The following PARD3 variants were observed in gnomAD, a reference collection of about 807,000 sequenced individuals.
PARD3 encodes the protein par-3 family cell polarity regulator, also known as partitioning defective 3 homolog.
In PARD3, 75 loss-of-function variants were observed where a neutral mutation model predicts 155.4. That is an observed-to-expected ratio of 0.48 (90% confidence interval 0.40 to 0.58). The LOEUF (loss-of-function observed/expected upper bound fraction) is 0.58, where lower values mean the gene tolerates loss of function less well. PARD3 is among the 20% of genes least tolerant of loss of function. The pLI is 0.00. For missense variants in PARD3, 1,642 were observed against 1,721.7 expected, an observed-to-expected ratio of 0.95 and a Z score of 0.82; for synonymous variants, 576 against 610.5, an observed-to-expected ratio of 0.94 and a Z score of 0.83.
intron 3 of PARD3, among the ~76,000 whole-genome samples, chr10:34,508,315 TAAATC>T (rs1187584439): frequency 6.6e-6 from 1 of 152,070 alleles, no homozygotes; most frequent in East Asian, 1.9e-4. Flanking sequence ...AGAAATGAAA[TAAATC>T]AGATACTTTG....
chr10:34,272,222 G>A (rs533047849), intron 21 of PARD3, among the ~76,000 whole-genome samples: 46 of 151,964 alleles, frequency 3.0e-4, no homozygotes, highest in Non-Finnish European at 6.0e-4. Context: ...AAAATGTAAG[G>A]GATTCTTTAG....
At chr10:34,712,557 A>C (rs2094462869) in intron 1 of PARD3, among the ~76,000 whole-genome samples, 1 of 152,232 alleles carries the variant, frequency 6.6e-6, no homozygotes, top group South Asian at 2.1e-4. Context: ...CCTGAGATCA[A>C]CACCACATAA....
intron 1 of PARD3, among the ~76,000 whole-genome samples, chr10:34,729,642 C>T (rs1193099034): frequency 6.6e-6 from 1 of 151,960 alleles, no homozygotes. Flanking sequence ...AATAGTAGAA[C>T]TTGATTTAAT....
intron 3 of PARD3, among the ~76,000 whole-genome samples, chr10:34,480,117 G>GGGCT: frequency 6.6e-6 from 1 of 152,246 alleles, no homozygotes; most frequent in Middle Eastern, 3.2e-3. Context: ...TCAGTGTGAG[G>GGGCT]GGCTGGCCTC....
intron 2 of PARD3, among the ~76,000 whole-genome samples, chr10:34,674,925 C>T (rs2093676679): frequency 6.6e-6 from 1 of 152,140 alleles, no homozygotes; most frequent in African/African-American, 2.4e-5. Context: ...AACTATAAAA[C>T]AACACACCTT....
chr10:34,587,120 TATTGTGTTTTTTTGTTTGC>T (rs1196202834), intron 2 of PARD3, among the ~76,000 whole-genome samples: 1 of 152,092 alleles, frequency 6.6e-6, no homozygotes, highest in Non-Finnish European at 1.5e-5. Context: ...TTATTTTTTT[TATTGTGTTTTTTTGTTTGC>T]TTGAGACAGA....
intron 19 of PARD3, among the ~76,000 whole-genome samples, 199 bp from the exon 20 acceptor site, chr10:34,317,537 C>A (rs901485763): frequency 6.6e-6 from 1 of 152,092 alleles, no homozygotes; most frequent in Non-Finnish European, 1.5e-5. Flanking sequence ...ACGTGAAGAT[C>A]GTGTGCCAAG....
intron 2 of PARD3, among the ~76,000 whole-genome samples, chr10:34,569,489 C>T (rs1475305511): frequency 6.6e-6 from 1 of 152,132 alleles, no homozygotes; most frequent in African/African-American, 2.4e-5. Context: ...ATGATCTCGG[C>T]TCACTGCAAG....
chr10:34,404,577 G>C (rs551454273), intron 5 of PARD3, among the ~76,000 whole-genome samples: 1 of 151,530 alleles, frequency 6.6e-6, no homozygotes, highest in South Asian at 2.1e-4. Flanking sequence ...AGAACTTTCA[G>C]ATATGAGACA....
intron 14 of PARD3, among the ~76,000 whole-genome samples, chr10:34,356,484 C>T (rs1208867063): frequency 1.3e-5 from 2 of 152,132 alleles, no homozygotes; most frequent in Non-Finnish European, 2.9e-5. Context: ...CTTACCTTCC[C>T]TAACTAGAAA....
At chr10:34,705,931 A>G (rs1414047881) in intron 1 of PARD3, among the ~76,000 whole-genome samples, 1 of 152,128 alleles carries the variant, frequency 6.6e-6, no homozygotes, top group East Asian at 1.9e-4. Flanking sequence ...CTAGCACATA[A>G]TCTCTCACAG....
intron 2 of PARD3, among the ~76,000 whole-genome samples, chr10:34,523,727 A>G (rs898850180): frequency 6.6e-6 from 1 of 152,262 alleles, no homozygotes; most frequent in African/African-American, 2.4e-5. Flanking sequence ...ACTAGAGCAT[A>G]ATGAAATAAA....
intron 2 of PARD3, among the ~76,000 whole-genome samples, chr10:34,577,518 T>C (rs1415778476): frequency 6.6e-6 from 1 of 152,224 alleles, no homozygotes. Context: ...GACACTCAGC[T>C]GAAGGCAACA....
chr10:34,738,378 T>C (rs2094952612), intron 1 of PARD3, among the ~76,000 whole-genome samples: 1 of 152,234 alleles, frequency 6.6e-6, no homozygotes. Flanking sequence ...AGTCTCACTA[T>C]ATTGCCCAGG....
intron 23 of PARD3, among the ~76,000 whole-genome samples, chr10:34,125,603 T>G (rs574812811): frequency 2.1e-3 from 325 of 152,354 alleles, no homozygotes; most frequent in South Asian, 3.7e-3. Context: ...CTGTGTGCTA[T>G]GACTGCCTTG....
At chr10:34,168,606 A>T (rs1327265894) in intron 22 of PARD3, among the ~76,000 whole-genome samples, 2 of 152,162 alleles carry the variant, frequency 1.3e-5, no homozygotes, top group Non-Finnish European at 2.9e-5. Flanking sequence ...CTGCACTCTG[A>T]TATGTCCTGA....
intron 1 of PARD3, among the ~76,000 whole-genome samples, chr10:34,794,374 A>C (rs1031098474): frequency 5.9e-5 from 9 of 152,360 alleles, no homozygotes; most frequent in African/African-American, 2.2e-4. Context: ...CAAATATGAC[A>C]TCTCTTTGAT....
intron 15 of PARD3, chr10:34,344,024 G>A (rs1306174242): frequency 2.1e-6 from 2 of 972,574 alleles, no homozygotes; most frequent in Non-Finnish European, 2.4e-6. Context: ...AGATAAAAAT[G>A]TTCTAAATAC....
chr10:34,358,552 G>T (rs28548689), intron 14 of PARD3, among the ~76,000 whole-genome samples: 14,186 of 152,114 alleles, frequency 0.093, 1,061 homozygotes, highest in African/African-American at 0.21. Context: ...TGTGGGCCAG[G>T]TGCTATGGCG....
Sources: gnomAD v4.1 joint callset for allele counts (sites outside exome capture counted in the v4.1 genomes callset) on GRCh38, gnomAD v4.1.1 for gene constraint, MANE v1.5 for transcripts, NCBI Gene and HGNC (gene_info 2026-07-23, HGNC 2026-07-21) for gene names.